EEF1E1: variants seen among roughly 807,000 people sequenced by gnomAD.
EEF1E1 encodes eukaryotic translation elongation factor 1 epsilon 1.
Under a neutral mutation model 19.9 loss-of-function variants are expected in EEF1E1, and 19 were observed. That is an observed-to-expected ratio of 0.95 (90% confidence interval 0.66 to 1.40). The LOEUF is 1.40. Among genes scored for constraint, EEF1E1 ranks in the 40% most tolerant of loss-of-function variants. The pLI, the probability that EEF1E1 is intolerant of heterozygous loss-of-function variation, is 0.00. For missense variants in EEF1E1, 198 were observed against 202.2 expected (o/e 0.98, Z 0.13); for synonymous variants, 81 against 80.0 (o/e 1.01, Z -0.07).
At chr6:8,074,897 G>C (rs1757557014), downstream of EEF1E1, among the ~76,000 whole-genome samples, 1 of 152,214 alleles carries the variant, frequency 6.6e-6, no homozygotes, top group Non-Finnish European at 1.5e-5. Flanking sequence ...ATTCAGAGGA[G>C]TAAGACACAG....
chr6:8,079,849 A>G lies in EEF1E1; in HGVS notation c.*41T>C. The stretch of plus-strand genomic sequence containing the variant: ...GTGGTCTAGAGTACATTTTCCATTT[A>G]AAACATTTTTAATAGATCTTCTGTA... On this transcript the variant is annotated 3_prime_UTR_variant, in exon 4 of 4. Coordinates refer to ENST00000379715, the MANE Select transcript of EEF1E1 (RefSeq NM_004280.5). The G allele has an allele frequency of 6.3e-7, 1 of 1,588,884 alleles. No individual in the cohort carries two copies. Among genetic ancestry groups the G allele is most frequent in the Non-Finnish European group, 8.6e-7 (1 of 1,165,668 alleles).
chr6:8,101,104 T>C (rs932914346), intron 1 of EEF1E1, among the ~76,000 whole-genome samples: 5 of 148,166 alleles, frequency 3.4e-5, no homozygotes, highest in African/African-American at 1.3e-4. Context: ...CGAACACCTG[T>C]AACCCCAGCT....
chr6:8,092,528 C>A (rs751029623), intron 2 of EEF1E1, among the ~76,000 whole-genome samples: 1 of 151,896 alleles, frequency 6.6e-6, no homozygotes, highest in Non-Finnish European at 1.5e-5. Context: ...AAAGGTGGTA[C>A]AGATAAGAAC....
chr6:8,093,638 A>T (rs946846904), intron 2 of EEF1E1, among the ~76,000 whole-genome samples: 1 of 152,044 alleles, frequency 6.6e-6, no homozygotes, highest in African/African-American at 2.4e-5. Flanking sequence ...ACCCTTTCAT[A>T]ATATCCTAAA....
chr6:8,075,790 G>A (rs767103542), downstream of EEF1E1, among the ~76,000 whole-genome samples: 8 of 152,164 alleles, frequency 5.3e-5, no homozygotes, highest in Non-Finnish European at 1.2e-4. Context: ...GCTATTTGAT[G>A]GCATTTCAAC....
At chr6:8,082,111 G>C in intron 3 of EEF1E1, among the ~76,000 whole-genome samples, 1 of 152,110 alleles carries the variant, frequency 6.6e-6, no homozygotes. Flanking sequence ...ATTATTTAAA[G>C]AAATACTAAC....
intron 1 of EEF1E1, among the ~76,000 whole-genome samples, chr6:8,099,760 A>C (rs1758277332): frequency 1.3e-5 from 1 of 78,474 alleles, no homozygotes; most frequent in Non-Finnish European, 2.5e-5. Context: ...AAACACACAC[A>C]CACACACACA....
rs570232950 is a variant in EEF1E1, at chr6:8,087,788, T to TG, written c.384+2397dup. On this transcript the variant is annotated intron_variant, in intron 3 of 3. Coordinates refer to ENST00000379715, the MANE Select transcript of EEF1E1 (RefSeq NM_004280.5). ...AATACTGGAACTTGGGCAATGTCAT[T>TG]GGATCACAGGAAAAGACACATGTGA... 1.8e-3 allele frequency among the ~76,000 whole-genome samples: 271 copies of TG among 147,658 alleles called. 3 individuals carry two copies. Among genetic ancestry groups the TG allele is most frequent in the African/African-American group, 6.5e-3 (260 of 40,298 alleles).
chr6:8,096,566 A>G (rs1316482462), intron 2 of EEF1E1, among the ~76,000 whole-genome samples: 1 of 152,234 alleles, frequency 6.6e-6, no homozygotes, highest in Non-Finnish European at 1.5e-5. Flanking sequence ...AATAAAATTA[A>G]GAAACAGAAG....
At chr6:8,088,365 C>G (rs1757923756) in intron 3 of EEF1E1, among the ~76,000 whole-genome samples, 1 of 152,084 alleles carries the variant, frequency 6.6e-6, no homozygotes, top group East Asian at 1.9e-4. Flanking sequence ...GGCTGTGTAC[C>G]CACCCACATC....
chr6:8,102,378 C>G, intron 1 of EEF1E1, 57 bp downstream of exon 1: 2 of 1,550,694 alleles, frequency 1.3e-6, no homozygotes, highest in Admixed American at 1.8e-5. Flanking sequence ...CCTGCCAGGG[C>G]TCGGCAGGCC....
At chr6:8,083,924 G>A (rs1757781931) in intron 3 of EEF1E1, among the ~76,000 whole-genome samples, 1 of 152,130 alleles carries the variant, frequency 6.6e-6, no homozygotes, top group African/African-American at 2.4e-5. Flanking sequence ...CAACTTAACT[G>A]GAATGTCATT....
intron 3 of EEF1E1, chr6:8,073,537 A>C: frequency 6.4e-7 from 1 of 1,551,510 alleles, no homozygotes; most frequent in Non-Finnish European, 8.7e-7. Context: ...AAAAGGAGTT[A>C]ATTCACTTAA....
At chr6:8,073,469 G>A (rs1185156544) in exon 4 of EEF1E1, 1 of 1,551,434 alleles carries the variant, frequency 6.4e-7, no homozygotes, top group East Asian at 2.4e-5. Context: ...CTTGTATGAT[G>A]TTGGGTTAGT....
In EEF1E1 at chr6:8,079,698, T is replaced by C. The variant is rs1303062158; in HGVS notation, c.*192A>G. 1.6e-6 allele frequency: 2 copies of C among 1,273,534 alleles called. No homozygotes were observed. The highest frequency in any genetic ancestry group is 5.7e-5 in the East Asian group (2 of 35,294). 78.9% of individuals were successfully genotyped at this position (1,273,534 alleles called of 1,614,324 possible). A position where few individuals can be genotyped will look rare whatever the true frequency, so the allele number is the denominator to read the frequency against. On this transcript the variant is annotated 3_prime_UTR_variant, in exon 4 of 4. Coordinates refer to ENST00000379715, the MANE Select transcript of EEF1E1 (RefSeq NM_004280.5). Reference sequence around the variant, plus strand: ...CAACTTGTTTAATAGCAATTGAATTTTGACATAAAAATTGCAAAACTTCAG... The same window carrying C: ...CAACTTGTTTAATAGCAATTGAATTCTGACATAAAAATTGCAAAACTTCAG...
intron 3 of EEF1E1, 65 bp from the exon 4 acceptor site, chr6:8,080,095 A>G: frequency 6.5e-7 from 1 of 1,549,544 alleles, no homozygotes; most frequent in Non-Finnish European, 8.8e-7. Context: ...TGTTAATATC[A>G]CTTAAGTAGG....
At chr6:8,084,182 T>C (rs1581459499) in intron 3 of EEF1E1, among the ~76,000 whole-genome samples, 1 of 152,326 alleles carries the variant, frequency 6.6e-6, no homozygotes, top group East Asian at 1.9e-4. Context: ...GAAGATGACA[T>C]ACATTCCAAA....
At position 8,102,468 on chromosome 6, in the gene EEF1E1, C is replaced by T. The variant is rs764896636; in HGVS notation, c.54G>A (p.Lys18=). 21 of 1,612,544 alleles carry T rather than the reference C, an allele frequency of 1.3e-5. No homozygotes were observed. Among genetic ancestry groups the T allele is most frequent in the Non-Finnish European group, 1.5e-5 (18 of 1,179,988 alleles). ...SLLEKSLGLS[K]GNKYSAQGER... ...CGCCCTGAGCACTGTATTTATTCCC[C>T]TTACTCAGTCCCAGGGACTTCTCCA... is the stretch of plus-strand genomic sequence containing the variant. The change falls in exon 1 of 4, where the codon AAG becomes AAA. Residue 18 remains lysine, a synonymous_variant. Transcript: ENST00000379715.
At position 8,089,593 on chromosome 6, in the gene EEF1E1, C is replaced by T. The variant is rs1034684608; in HGVS notation, c.384+593G>A. Among the ~76,000 whole-genome samples, 48 of 152,166 alleles carry T rather than the reference C, an allele frequency of 3.2e-4. 1 individual carries two copies. Among genetic ancestry groups the T allele is most frequent in the Admixed American group, 3.1e-3 (47 of 15,270 alleles). On this transcript the variant is annotated intron_variant, in intron 3 of 3. Transcript: ENST00000379715. ...TTTGCTGGCAGCTGATCAGATGGTG[C>T]CCACCCAGATTAAGGTTGGGTCTGC...
Sources: gnomAD v4.1 joint callset for allele counts (sites outside exome capture counted in the v4.1 genomes callset) on GRCh38, gnomAD v4.1.1 for gene constraint, MANE v1.5 for transcripts, NCBI Gene and HGNC (gene_info 2026-07-23, HGNC 2026-07-21) for gene names.